GPR89B: variants seen among roughly 807,000 people sequenced by gnomAD.
GPR89B encodes the protein G protein-coupled receptor 89B.
Under a neutral mutation model 52.4 loss-of-function variants are expected in GPR89B, and 25 were observed. The observed-to-expected ratio is 0.48, with a 90% CI of 0.35 to 0.67. The LOEUF is 0.67. Ranked by LOEUF, GPR89B falls within the 30% of genes least tolerant of loss-of-function variation. The probability of loss-of-function intolerance (pLI) is 0.01; values close to 1 mark genes in which losing one functional copy is unlikely to be tolerated. For synonymous variants in GPR89B, 52 were observed against 151.2 expected (o/e 0.34, Z 4.81); for missense variants, 146 against 450.2 (o/e 0.32, Z 6.11).
chr1:148,023,495 G>A, the GPR89B span, among the ~76,000 whole-genome samples: 2 of 139,340 alleles, frequency 1.4e-5, no homozygotes, highest in Non-Finnish European at 3.1e-5. Flanking sequence ...CAGCTCTGTT[G>A]TAGGTTCTTT....
At chr1:148,017,272 G>A in the GPR89B span, among the ~76,000 whole-genome samples, 2 of 151,128 alleles carry the variant, frequency 1.3e-5, no homozygotes, top group Non-Finnish European at 1.5e-5. Flanking sequence ...TCAATCTCCT[G>A]ACCTCGTGAT....
the GPR89B span, chr1:148,009,323 G>A: frequency 2.5e-6 from 4 of 1,608,682 alleles, no homozygotes; most frequent in Non-Finnish European, 3.4e-6. Context: ...GCCTCCCCCT[G>A]CTCCCCAAAA....
the GPR89B span, among the ~76,000 whole-genome samples, chr1:148,002,231 C>T: frequency 6.6e-6 from 1 of 152,098 alleles, no homozygotes; most frequent in African/African-American, 2.4e-5. Context: ...GTCACCAACA[C>T]TTGGCAACTG....
At chr1:148,011,857 G>A in the GPR89B span, 3 of 152,040 alleles carry the variant, frequency 2.0e-5, no homozygotes, top group Non-Finnish European at 2.9e-5. Context: ...CTGTTTTTCC[G>A]GTTTTGCTTT....
intron 5 of GPR89B, among the ~76,000 whole-genome samples, chr1:147,951,409 T>A (rs1655678226): frequency 6.6e-6 from 1 of 152,072 alleles, no homozygotes; most frequent in Non-Finnish European, 1.5e-5. Flanking sequence ...AAAGCTGGAT[T>A]GCAGTCAGTT....
intron 5 of GPR89B, among the ~76,000 whole-genome samples, chr1:147,945,331 AG>A (rs1319237535): frequency 6.8e-6 from 1 of 147,592 alleles, no homozygotes; most frequent in African/African-American, 2.5e-5. Context: ...TAAACTCTGT[AG>A]TACCAAAACA....
At chr1:147,930,804 A>C (rs1315034268) in intron 1 of GPR89B, among the ~76,000 whole-genome samples, 2 of 151,962 alleles carry the variant, frequency 1.3e-5, no homozygotes, top group African/African-American at 4.8e-5. Context: ...GCTCCAATTT[A>C]TTCTTTAGAC....
At chr1:148,009,098 A>G in the GPR89B span, among the ~76,000 whole-genome samples, 1 of 152,164 alleles carries the variant, frequency 6.6e-6, no homozygotes, top group African/African-American at 2.4e-5. Flanking sequence ...ACACTCAGGG[A>G]CAGGAGTACC....
chr1:147,932,112 T>C (rs775099960), intron 1 of GPR89B, among the ~76,000 whole-genome samples: 1 of 152,058 alleles, frequency 6.6e-6, no homozygotes. Context: ...CCACTATACA[T>C]ACCACCATCA....
At chr1:148,008,296 G>A in the GPR89B span, among the ~76,000 whole-genome samples, 1 of 152,212 alleles carries the variant, frequency 6.6e-6, no homozygotes, top group Non-Finnish European at 1.5e-5. Flanking sequence ...ACACGAGCCA[G>A]ATGAGTAGAA....
intron 7 of GPR89B, among the ~76,000 whole-genome samples, chr1:147,958,814 T>C (rs1275334167): frequency 1.3e-5 from 2 of 151,988 alleles, no homozygotes; most frequent in African/African-American, 4.8e-5. Context: ...ACAGTAAGTT[T>C]TATTAATTTG....
At position 147,932,629 on chromosome 1, in the gene GPR89B, G is replaced by A. The variant is rs1417344522; in HGVS notation, c.43-3998G>A. Among the ~76,000 whole-genome samples, 6 of 152,228 alleles carry A rather than the reference G, an allele frequency of 3.9e-5. No homozygotes were observed. The East Asian group carries it at 1.2e-3, about 29-fold the overall frequency. On this transcript the variant is annotated intron_variant, in intron 1 of 13. Transcript: ENST00000314163. ...CATGCCTCGTACTTACTCAACAAAAGTGAAGCCAAAAGGTATGATCTCCTA... is the reference window on the plus strand; with the variant it reads ...CATGCCTCGTACTTACTCAACAAAAATGAAGCCAAAAGGTATGATCTCCTA...
the GPR89B span, chr1:148,009,497 C>G: frequency 3.8e-6 from 6 of 1,596,030 alleles, no homozygotes; most frequent in Non-Finnish European, 5.1e-6. Context: ...CCAACTCTTT[C>G]AAGTCCACCC....
chr1:148,025,228 G>T, the GPR89B span, among the ~76,000 whole-genome samples: 1 of 151,422 alleles, frequency 6.6e-6, no homozygotes, highest in Non-Finnish European at 1.5e-5. Flanking sequence ...TGTTTGACCC[G>T]CACTCTTTCC....
chr1:148,009,022 G>C, the GPR89B span, among the ~76,000 whole-genome samples: 4 of 152,018 alleles, frequency 2.6e-5, no homozygotes, highest in Non-Finnish European at 4.4e-5. Context: ...TTCACCCTAA[G>C]AGGGCTAGAA....
At chr1:147,998,068 A>AT (rs1158855756), downstream of GPR89B, among the ~76,000 whole-genome samples, 4 of 151,674 alleles carry the variant, frequency 2.6e-5, no homozygotes, top group Admixed American at 1.3e-4. Flanking sequence ...AACAGGATTG[A>AT]TTTTTTTGTA....
At chr1:148,010,063 A>C in the GPR89B span, 1 of 157,532 alleles carries the variant, frequency 6.3e-6, no homozygotes, top group African/African-American at 2.4e-5. Context: ...AAAAAAAAAA[A>C]AAAACTCTAG....
In GPR89B at chr1:147,992,570, A is replaced by T; in HGVS notation, c.1161+3A>T. 1.2e-6 allele frequency: 2 copies of T among 1,611,712 alleles called. No individual in the cohort carries two copies. Among genetic ancestry groups the T allele is most frequent in the Non-Finnish European group, 1.7e-6 (2 of 1,179,656 alleles). On this transcript the variant is annotated splice_donor_region_variant and intron_variant, in intron 13 of 13. Transcript: ENST00000314163. ...TCCTGCTATTAGCACAGATAATGGT[A>T]AGTTTAATTAGTTACCTTTATGTTG...
At chr1:147,951,548 CT>C (rs1388609136) in intron 5 of GPR89B, among the ~76,000 whole-genome samples, 2 of 151,628 alleles carry the variant, frequency 1.3e-5, no homozygotes, top group Non-Finnish European at 2.9e-5. Context: ...AACAGAATTT[CT>C]CTTAGAAAAG....
Sources: gnomAD v4.1 joint callset for allele counts (sites outside exome capture counted in the v4.1 genomes callset) on GRCh38, gnomAD v4.1.1 for gene constraint, MANE v1.5 for transcripts, NCBI Gene and HGNC (gene_info 2026-07-23, HGNC 2026-07-21) for gene names.